The following USP34 variants were observed in gnomAD, a reference collection of about 807,000 sequenced individuals.
USP34 encodes ubiquitin specific peptidase 34.
In USP34, 70 loss-of-function variants were observed where a neutral mutation model predicts 460.3. That is an observed-to-expected ratio of 0.15 (90% CI 0.13 to 0.19). The LOEUF (loss-of-function observed/expected upper bound fraction) is 0.19, where lower values mean the gene tolerates loss of function less well. Ranked by LOEUF, USP34 falls within the 10% of genes least tolerant of loss-of-function variation. The pLI is 1.00. For synonymous variants in USP34, 1,647 were observed against 1,405.3 expected (o/e 1.17, Z -3.85); for missense variants, 3,985 against 4,236.2 (o/e 0.94, Z 1.65).
At chr2:61,265,889 G>T in intron 42 of USP34, 95 bp downstream of exon 42, 1 of 1,151,554 alleles carries the variant, frequency 8.7e-7, no homozygotes, top group Admixed American at 2.7e-5. Flanking sequence ...ATGTTAAAGT[G>T]TGTGAAGAGC....
At chr2:61,452,001 C>CT (rs893702201) in intron 1 of USP34, among the ~76,000 whole-genome samples, 15 of 151,656 alleles carry the variant, frequency 9.9e-5, no homozygotes, top group African/African-American at 3.4e-4. Context: ...CGGTGAAACC[C>CT]GTCTCTACTA....
Position 61,380,946 on chromosome 2 carries a change from A to C in USP34, c.822-585T>G, listed in dbSNP as rs369610514. Among the ~76,000 whole-genome samples, 10 of 152,350 alleles carry C rather than the reference A, an allele frequency of 6.6e-5. 1 individual carries two copies. In the East Asian group the frequency reaches 1.2e-3, roughly 18 times the overall value. On this transcript the variant is annotated intron_variant, in intron 6 of 79. Coordinates refer to ENST00000398571, the MANE Select transcript of USP34 (RefSeq NM_014709.4). ...ATGGCAATCACAGAATGTGGGAACA[A>C]GGCTAACCTAGACCATCCAGTTTCA... is the stretch of plus-strand genomic sequence containing the variant.
intron 76 of USP34, 165 bp from the exon 77 acceptor site, chr2:61,190,823 TAACAGC>T (rs1341444169): frequency 2.0e-5 from 15 of 736,694 alleles, no homozygotes; most frequent in Non-Finnish European, 2.7e-5. Context: ...AATTTTTAGT[TAACAGC>T]AACTATTTTT....
intron 29 of USP34, 127 bp downstream of exon 29, chr2:61,300,824 A>G (rs1462790816): frequency 7.8e-6 from 2 of 257,706 alleles, no homozygotes; most frequent in Non-Finnish European, 1.2e-5. Flanking sequence ...AAAAATGAAC[A>G]AAAAAAAAAA....
chr2:61,272,660 T>C (rs1032215784), intron 41 of USP34, among the ~76,000 whole-genome samples: 7 of 152,180 alleles, frequency 4.6e-5, no homozygotes, highest in African/African-American at 1.4e-4. Flanking sequence ...CCCTCTGAAA[T>C]GTTAATTCAG....
At position 61,435,989 on chromosome 2, in the gene USP34, T is replaced by C. The variant is rs895642905; in HGVS notation, c.44-15156A>G. Among the ~76,000 whole-genome samples the C allele has an allele frequency of 3.4e-4, 52 of 150,726 alleles. 1 individual carries two copies. Among genetic ancestry groups the C allele is most frequent in the Middle Eastern group, 3.6e-3 (1 of 278 alleles). On this transcript the variant is annotated intron_variant, in intron 1 of 79. Coordinates refer to ENST00000398571, the MANE Select transcript of USP34 (RefSeq NM_014709.4). ...GCTGCAGTAAACCAAGATCACCCCA[T>C]TGCACTCCAGCTTGGGTGACAAAGT...
At chr2:61,345,874 C>G (rs76342658) in intron 15 of USP34, among the ~76,000 whole-genome samples, 4,376 of 152,214 alleles carry the variant, frequency 0.029, 219 homozygotes, top group African/African-American at 0.1. Context: ...TGGCCTCAAA[C>G]GATCCTCCTG....
chr2:61,246,150 G>C (rs1455270905), intron 50 of USP34, among the ~76,000 whole-genome samples, 174 bp downstream of exon 50: 1 of 152,194 alleles, frequency 6.6e-6, no homozygotes, highest in East Asian at 1.9e-4. Context: ...AGAGTTAAAA[G>C]ATCCGTATGT....
Position 61,344,036 on chromosome 2 carries a change from A to C in USP34, c.2286-7T>G. 6.2e-7 allele frequency: 1 copy of C among 1,611,250 alleles called. No homozygotes were observed. The stretch of plus-strand genomic sequence containing the variant: ...CATATCATCAACCATATGCCTACAA[A>C]ACAGAGAAAAGCACAAAGTTAGTAA... On this transcript the variant is annotated splice_region_variant and splice_polypyrimidine_tract_variant and intron_variant, in intron 15 of 79. Coordinates refer to ENST00000398571, the MANE Select transcript of USP34 (RefSeq NM_014709.4).
chr2:61,394,728 G>T, intron 5 of USP34, 125 bp downstream of exon 5: 2 of 664,922 alleles, frequency 3.0e-6, no homozygotes, highest in Non-Finnish European at 4.5e-6. Flanking sequence ...TACTCATTTT[G>T]TCAAAATAAA....
chr2:61,429,175 C>CT (rs1694593275), intron 1 of USP34, among the ~76,000 whole-genome samples: 1 of 152,116 alleles, frequency 6.6e-6, no homozygotes, highest in South Asian at 2.1e-4. Context: ...TGGCCAGGCA[C>CT]AGTGGCTCAC....
At chr2:61,292,519 C>T (rs1689889151) in intron 33 of USP34, among the ~76,000 whole-genome samples, 1 of 152,152 alleles carries the variant, frequency 6.6e-6, no homozygotes, top group Non-Finnish European at 1.5e-5. Flanking sequence ...CCTGGCCACA[C>T]TGGAAGAACA....
intron 74 of USP34, among the ~76,000 whole-genome samples, chr2:61,203,544 C>T (rs1170702198): frequency 2.0e-5 from 3 of 152,030 alleles, no homozygotes; most frequent in Non-Finnish European, 4.4e-5. Flanking sequence ...GCTCTACAGA[C>T]ATATCAAGAA....
At chr2:61,447,765 G>C (rs1034418556) in intron 1 of USP34, among the ~76,000 whole-genome samples, 4 of 152,066 alleles carry the variant, frequency 2.6e-5, no homozygotes, top group Non-Finnish European at 4.4e-5. Flanking sequence ...GCCTAGGCTG[G>C]AGTGCAGTGG....
At chr2:61,413,794 A>G (rs757618097) in intron 2 of USP34, among the ~76,000 whole-genome samples, 3 of 146,114 alleles carry the variant, frequency 2.1e-5, no homozygotes, top group Non-Finnish European at 4.5e-5. Context: ...CCTGGGCAAC[A>G]TGGGGAAACC....
intron 41 of USP34, among the ~76,000 whole-genome samples, chr2:61,276,051 A>G (rs1307173454): frequency 6.6e-6 from 1 of 152,244 alleles, no homozygotes; most frequent in Non-Finnish European, 1.5e-5. Context: ...CTGAACAAAT[A>G]AATATCAAAT....
intron 29 of USP34, among the ~76,000 whole-genome samples, chr2:61,298,407 G>A (rs565249285): frequency 1.4e-3 from 202 of 147,172 alleles, no homozygotes; most frequent in African/African-American, 4.7e-3. Context: ...GCGTGGTGGC[G>A]TGCGCCTGTA....
intron 43 of USP34, 160 bp downstream of exon 43, chr2:61,265,237 T>C (rs1267742726): frequency 3.9e-6 from 3 of 766,656 alleles, no homozygotes; most frequent in East Asian, 5.5e-5. Context: ...TACTAAAATG[T>C]ATAACTATGT....
chr2:61,275,025 C>G (rs973085576), intron 41 of USP34, among the ~76,000 whole-genome samples: 1 of 152,142 alleles, frequency 6.6e-6, no homozygotes, highest in African/African-American at 2.4e-5. Flanking sequence ...GCCTGTAATC[C>G]TGGCACATTA....
Sources: allele counts gnomAD v4.1 joint callset (sites outside exome capture counted in the v4.1 genomes callset), GRCh38; gene constraint gnomAD v4.1.1; transcripts MANE v1.5; gene names NCBI Gene and HGNC (gene_info 2026-07-23, HGNC 2026-07-21).